The following CD86 variants were observed in gnomAD, a reference collection of about 807,000 sequenced individuals.
The protein encoded by CD86 is CD86 molecule.
A neutral mutation model predicts 32.1 loss-of-function variants in CD86; 11 were observed. That is an observed-to-expected ratio of 0.34 (90% CI 0.22 to 0.57). The LOEUF (loss-of-function observed/expected upper bound fraction) is 0.57. CD86 is among the 20% of genes least tolerant of loss of function. The probability of loss-of-function intolerance (pLI) is 0.86; values close to 1 mark genes in which losing one functional copy is unlikely to be tolerated. For missense variants in CD86, 359 were observed against 398.4 expected, an observed-to-expected ratio of 0.90 and a Z score of 0.84; for synonymous variants, 137 against 135.3, an observed-to-expected ratio of 1.01 and a Z score of -0.09.
At chr3:122,086,482 T>C (rs2072722148) in intron 1 of CD86, 1 of 429,690 alleles carries the variant, frequency 2.3e-6, no homozygotes, top group Admixed American at 2.4e-5. Flanking sequence ...GATACAAAGA[T>C]ACCCCTTCTT....
chr3:122,076,492 G>A (rs1462762871), intron 1 of CD86, among the ~76,000 whole-genome samples: 2 of 152,180 alleles, frequency 1.3e-5, no homozygotes, highest in Admixed American at 6.5e-5. Flanking sequence ...AAAACCCCAG[G>A]TGGGATCTAT....
At chr3:122,098,674 G>A (rs565270532) in intron 2 of CD86, among the ~76,000 whole-genome samples, 105 of 152,280 alleles carry the variant, frequency 6.9e-4, no homozygotes, top group Middle Eastern at 3.4e-3. Context: ...GGACAAGGAC[G>A]GAGCAGGCAG....
At chr3:122,078,888 C>T (rs544648932) in intron 1 of CD86, among the ~76,000 whole-genome samples, 20 of 152,296 alleles carry the variant, frequency 1.3e-4, no homozygotes, top group South Asian at 1.0e-3. Flanking sequence ...TACTAAAATG[C>T]GTCTATTTAT....
intron 1 of CD86, among the ~76,000 whole-genome samples, chr3:122,062,571 G>A (rs772473440): frequency 2.6e-5 from 4 of 152,148 alleles, no homozygotes; most frequent in Non-Finnish European, 4.4e-5. Context: ...TTTCATAGGA[G>A]CATGAAGGTA....
chr3:122,119,380 G>C, intron 6 of CD86, 58 bp from the exon 7 acceptor site: 1 of 1,036,120 alleles, frequency 9.7e-7, no homozygotes, highest in East Asian at 2.4e-5. Context: ...TTGAAATCTA[G>C]AAAAAGAAAG....
At chr3:122,084,145 C>T (rs2072679108) in intron 1 of CD86, among the ~76,000 whole-genome samples, 1 of 152,160 alleles carries the variant, frequency 6.6e-6, no homozygotes, top group African/African-American at 2.4e-5. Context: ...CGCCACTATG[C>T]CCAGCTAATT....
At chr3:122,077,709 T>C in intron 1 of CD86, 2 of 961,714 alleles carry the variant, frequency 2.1e-6, no homozygotes, top group Non-Finnish European at 2.5e-6. Flanking sequence ...TTTGGGGGTT[T>C]CCCAGGGCTT....
chr3:122,060,571 C>T (rs896810875), intron 1 of CD86, among the ~76,000 whole-genome samples: 2 of 151,592 alleles, frequency 1.3e-5, no homozygotes, highest in African/African-American at 2.4e-5. Context: ...TGGCTTGAGG[C>T]GAGGAGTTCC....
At chr3:122,067,687 GC>G (rs922298277) in intron 1 of CD86, among the ~76,000 whole-genome samples, 1 of 152,162 alleles carries the variant, frequency 6.6e-6, no homozygotes, top group Non-Finnish European at 1.5e-5. Context: ...TAAAACTGTA[GC>G]CAGCTAGTGC....
chr3:122,094,394 T>C (rs779043067), intron 2 of CD86, among the ~76,000 whole-genome samples: 1 of 152,166 alleles, frequency 6.6e-6, no homozygotes, highest in Non-Finnish European at 1.5e-5. Flanking sequence ...CCGTTTAAGT[T>C]TTATGGTGGT....
intron 2 of CD86, among the ~76,000 whole-genome samples, chr3:122,092,530 G>T (rs74710707): frequency 0.012 from 1,864 of 152,206 alleles, 37 homozygotes; most frequent in African/African-American, 0.043. Flanking sequence ...ACAGCATCCA[G>T]CCTCACAAAA....
In CD86 at chr3:122,055,506, G is replaced by A. The variant is rs377482392; in HGVS notation, c.14+3G>A. 8.7e-5 allele frequency: 140 copies of A among 1,613,772 alleles called. No homozygotes were observed. Among genetic ancestry groups the A allele is most frequent in the Non-Finnish European group, 9.6e-5 (113 of 1,179,796 alleles). On this transcript the variant is annotated splice_donor_region_variant and intron_variant, in intron 1 of 6. Transcript: ENST00000330540. ...GCAGCCAAAATGGATCCCCAGTGGT[G>A]AGTAATAATTCTTATTCTTTGCAGA...
chr3:122,083,762 A>G (rs1287136218), intron 1 of CD86, among the ~76,000 whole-genome samples: 1 of 152,226 alleles, frequency 6.6e-6, no homozygotes, highest in East Asian at 1.9e-4. Flanking sequence ...GATGTGCTAT[A>G]ACTATAAAAC....
intron 5 of CD86, among the ~76,000 whole-genome samples, chr3:122,110,362 T>G (rs1436715867): frequency 6.6e-6 from 1 of 152,190 alleles, no homozygotes; most frequent in Non-Finnish European, 1.5e-5. Flanking sequence ...CATGCCTTTT[T>G]GTAGTTTGGT....
chr3:122,057,162 A>T (rs954861620), intron 1 of CD86, among the ~76,000 whole-genome samples: 1 of 152,240 alleles, frequency 6.6e-6, no homozygotes, highest in Admixed American at 6.5e-5. Context: ...ACTAGTGGTG[A>T]TATCATCTTT....
At chr3:122,066,556 C>CT (rs2072415865) in intron 1 of CD86, among the ~76,000 whole-genome samples, 1 of 152,156 alleles carries the variant, frequency 6.6e-6, no homozygotes, top group Non-Finnish European at 1.5e-5. Context: ...CCAAAACCCT[C>CT]TGAAAGGCAG....
chr3:122,066,765 G>C (rs1253065248), intron 1 of CD86, among the ~76,000 whole-genome samples: 1 of 152,150 alleles, frequency 6.6e-6, no homozygotes, highest in African/African-American at 2.4e-5. Flanking sequence ...TACCAGGAGT[G>C]CAAAGGGAAA....
chr3:122,066,168 TG>T (rs909133985), intron 1 of CD86, among the ~76,000 whole-genome samples: 6 of 152,210 alleles, frequency 3.9e-5, no homozygotes, highest in African/African-American at 1.4e-4. Context: ...CATTCAGTTT[TG>T]GGGGCCTTAA....
chr3:122,106,349 T>C lies in CD86; in HGVS notation c.552T>C (p.Gly184=), dbSNP rs954232258. The part of the protein sequence containing the change: ...RTKNSTIEYD[G]VMQKSQDNVT... Reference sequence around the variant, plus strand: ...AGAATTCAACTATCGAGTATGATGGTGTTATGCAGAAATCTCAAGATAATG... The same window carrying C: ...AGAATTCAACTATCGAGTATGATGGCGTTATGCAGAAATCTCAAGATAATG... The change falls in exon 4 of 7, where the codon GGT becomes GGC. Residue 184 remains glycine, a synonymous_variant. Coordinates refer to ENST00000330540, the MANE Select transcript of CD86 (RefSeq NM_175862.5). 6.2e-7 allele frequency: 1 copy of C among 1,614,144 alleles called. No individual in the cohort carries two copies. Among genetic ancestry groups the C allele is most frequent in the Non-Finnish European group, 8.5e-7 (1 of 1,179,990 alleles).
Sources: allele counts gnomAD v4.1 joint callset (sites outside exome capture counted in the v4.1 genomes callset), GRCh38; gene constraint gnomAD v4.1.1; transcripts MANE v1.5; gene names NCBI Gene and HGNC (gene_info 2026-07-23, HGNC 2026-07-21).